PDZD2: variants seen among roughly 807,000 people sequenced by gnomAD.
The protein encoded by PDZD2 is PDZ domain containing 2.
PDZD2 carries 90 observed loss-of-function variants against 220.7 expected under a neutral mutation model. That is an observed-to-expected ratio of 0.41 (90% CI 0.34 to 0.49). PDZD2 has a LOEUF of 0.49. Ranked by LOEUF, PDZD2 falls within the 20% of genes least tolerant of loss-of-function variation. The pLI, the probability that PDZD2 is intolerant of heterozygous loss-of-function variation, is 0.28. For missense variants in PDZD2, 3,174 were observed against 3,608.5 expected, an observed-to-expected ratio of 0.88 and a Z score of 3.08; for synonymous variants, 1,375 against 1,450.5, an observed-to-expected ratio of 0.95 and a Z score of 1.18.
chr5:31,807,962 A>C (rs1314995140), intron 2 of PDZD2, among the ~76,000 whole-genome samples: 1 of 152,212 alleles, frequency 6.6e-6, no homozygotes, highest in Non-Finnish European at 1.5e-5. Flanking sequence ...TTGCAAGCTT[A>C]GGCTCTGGTT....
intron 1 of PDZD2, chr5:31,692,750 G>T (rs931224298): frequency 2.0e-5 from 3 of 152,542 alleles, no homozygotes; most frequent in Non-Finnish European, 4.4e-5. Flanking sequence ...TCTTGTACAT[G>T]CAGGGCAGGC....
intron 8 of PDZD2, among the ~76,000 whole-genome samples, chr5:32,050,584 C>A (rs1430569329): frequency 2.6e-5 from 4 of 152,116 alleles, no homozygotes; most frequent in Non-Finnish European, 5.9e-5. Context: ...CTTTGGGAGG[C>A]CAAGGTGAGA....
chr5:32,101,565 G>A (rs1744260746), intron 24 of PDZD2, among the ~76,000 whole-genome samples: 1 of 152,188 alleles, frequency 6.6e-6, no homozygotes, highest in East Asian at 1.9e-4. Flanking sequence ...TACTGCAGCA[G>A]TTCCTTACTC....
At chr5:31,978,565 A>G (rs1044069194) in intron 2 of PDZD2, among the ~76,000 whole-genome samples, 5 of 152,064 alleles carry the variant, frequency 3.3e-5, no homozygotes, top group East Asian at 1.9e-4. Context: ...TAAAAGTACA[A>G]TTAGCCAGGT....
chr5:32,064,181 A>AT (rs375708166), intron 14 of PDZD2, among the ~76,000 whole-genome samples: 1,706 of 150,666 alleles, frequency 0.011, 34 homozygotes, highest in African/African-American at 0.04. Flanking sequence ...ACTCAACCCA[A>AT]TTTTTTTTTG....
intron 1 of PDZD2, among the ~76,000 whole-genome samples, chr5:31,680,593 C>T (rs1000292695): frequency 2.6e-5 from 4 of 152,168 alleles, no homozygotes; most frequent in Non-Finnish European, 2.9e-5. Context: ...GGGCTGGAAT[C>T]GACCTGCATG....
chr5:31,896,841 C>T (rs1181125353), intron 2 of PDZD2, among the ~76,000 whole-genome samples: 2 of 152,212 alleles, frequency 1.3e-5, no homozygotes, highest in Non-Finnish European at 2.9e-5. Context: ...CCTGTGGTTC[C>T]AGCTACTTGG....
At chr5:31,731,543 G>A (rs1363760786) in intron 1 of PDZD2, among the ~76,000 whole-genome samples, 2 of 152,016 alleles carry the variant, frequency 1.3e-5, no homozygotes, top group African/African-American at 4.8e-5. Flanking sequence ...ATAACTCTTC[G>A]GGATGGTTTA....
intron 14 of PDZD2, among the ~76,000 whole-genome samples, chr5:32,066,727 G>A (rs1465385089): frequency 6.6e-6 from 1 of 152,208 alleles, no homozygotes; most frequent in Admixed American, 6.5e-5. Context: ...AGCATAACAT[G>A]GGTCATGATT....
chr5:31,681,438 A>G (rs1484349795), intron 1 of PDZD2, among the ~76,000 whole-genome samples: 1 of 151,998 alleles, frequency 6.6e-6, no homozygotes, highest in Non-Finnish European at 1.5e-5. Context: ...AGTAGAGACG[A>G]GGTTTCGCCA....
chr5:31,715,116 C>T (rs2150142362), intron 1 of PDZD2, among the ~76,000 whole-genome samples: 1 of 151,648 alleles, frequency 6.6e-6, no homozygotes, highest in East Asian at 1.9e-4. Context: ...TGGGTTGGTC[C>T]ATGGGTTGAT....
At chr5:31,940,163 C>T (rs1451871033) in intron 2 of PDZD2, among the ~76,000 whole-genome samples, 1 of 152,166 alleles carries the variant, frequency 6.6e-6, no homozygotes, top group Non-Finnish European at 1.5e-5. Flanking sequence ...ATGGAGATCC[C>T]GACTGGAGCC....
chr5:31,799,796 C>A, intron 2 of PDZD2, 72 bp downstream of exon 2: 1 of 984,478 alleles, frequency 1.0e-6, no homozygotes, highest in Non-Finnish European at 1.6e-6. Flanking sequence ...TCTGCAGCTG[C>A]AGAGGTTTAT....
At chr5:32,003,469 C>T (rs1258147228) in intron 5 of PDZD2, among the ~76,000 whole-genome samples, 1 of 125,000 alleles carries the variant, frequency 8.0e-6, no homozygotes, top group African/African-American at 3.2e-5. Context: ...CACCCACCCC[C>T]CCCACACCAC....
intron 2 of PDZD2, among the ~76,000 whole-genome samples, chr5:31,850,374 G>C (rs1580891446): frequency 7.1e-6 from 1 of 141,740 alleles, no homozygotes; most frequent in East Asian, 2.0e-4. Context: ...ACATTCTCAT[G>C]GCACCTTGTT....
chr5:31,887,825 AG>A (rs936324601), intron 2 of PDZD2, among the ~76,000 whole-genome samples: 6 of 139,968 alleles, frequency 4.3e-5, no homozygotes, highest in East Asian at 2.3e-4. Flanking sequence ...TGTGCGGGGG[AG>A]GGGGGGAACA....
At chr5:32,104,714 TC>T (rs1744574272) in intron 24 of PDZD2, among the ~76,000 whole-genome samples, 1 of 38,360 alleles carries the variant, frequency 2.6e-5, no homozygotes, top group African/African-American at 1.3e-4. Flanking sequence ...GAAGGCTCCA[TC>T]TAAAAAAAAA....
At chr5:31,995,358 C>G (rs1751543392) in intron 3 of PDZD2, among the ~76,000 whole-genome samples, 1 of 152,206 alleles carries the variant, frequency 6.6e-6, no homozygotes, top group Non-Finnish European at 1.5e-5. Context: ...TTGGATGGCT[C>G]AAATATAGAA....
At chr5:31,898,685 C>A (rs957290351) in intron 2 of PDZD2, among the ~76,000 whole-genome samples, 1 of 152,158 alleles carries the variant, frequency 6.6e-6, no homozygotes, top group African/African-American at 2.4e-5. Context: ...CTGAGCCAAC[C>A]CTTTTCCAGC....
Sources: gnomAD v4.1 joint callset for allele counts (sites outside exome capture counted in the v4.1 genomes callset) on GRCh38, gnomAD v4.1.1 for gene constraint, MANE v1.5 for transcripts, NCBI Gene and HGNC (gene_info 2026-07-23, HGNC 2026-07-21) for gene names.